The following PTPRD variants were observed in gnomAD, a reference collection of about 807,000 sequenced individuals.
PTPRD encodes the protein protein tyrosine phosphatase receptor type D, also known as receptor-type tyrosine-protein phosphatase delta.
A neutral mutation model predicts 214.5 loss-of-function variants in PTPRD; 34 were observed. The ratio of observed to expected loss-of-function variants is 0.16; its 90% CI spans 0.12 to 0.21. The LOEUF (loss-of-function observed/expected upper bound fraction) is 0.21, where lower values mean the gene tolerates loss of function less well. Ranked by LOEUF, PTPRD falls within the 10% of genes least tolerant of loss-of-function variation. The pLI is 1.00. For missense variants in PTPRD, 2,545 were observed against 2,398.7 expected, an observed-to-expected ratio of 1.06 and a Z score of -1.27; for synonymous variants, 1,128 against 845.7, an observed-to-expected ratio of 1.33 and a Z score of -5.79.
chr9:10,155,917 G>C (rs1044844818), intron 3 of PTPRD, among the ~76,000 whole-genome samples: 3 of 151,992 alleles, frequency 2.0e-5, no homozygotes, highest in Middle Eastern at 3.4e-3. Flanking sequence ...TTTTTGTGTT[G>C]TGTCTCTGGC....
intron 31 of PTPRD, among the ~76,000 whole-genome samples, chr9:8,470,609 T>C (rs1321852945): frequency 6.6e-6 from 1 of 152,120 alleles, no homozygotes; most frequent in East Asian, 1.9e-4. Context: ...TGCAACTTGG[T>C]GTTTGTGACA....
At chr9:8,377,671 G>C (rs757090394) in intron 37 of PTPRD, among the ~76,000 whole-genome samples, 77 of 151,920 alleles carry the variant, frequency 5.1e-4, no homozygotes, top group South Asian at 2.1e-4. Context: ...GGTAAAGAAA[G>C]CTCCTAGCAG....
intron 2 of PTPRD, among the ~76,000 whole-genome samples, chr9:10,585,893 A>G (rs1325669867): frequency 1.3e-5 from 2 of 152,126 alleles, no homozygotes; most frequent in Non-Finnish European, 1.5e-5. Context: ...CATGCATGGG[A>G]AAGTCATATG....
intron 5 of PTPRD, among the ~76,000 whole-genome samples, chr9:9,849,670 A>G (rs1300900477): frequency 6.6e-6 from 1 of 152,126 alleles, no homozygotes. Flanking sequence ...GCATTTTAAT[A>G]TCTTAGTTCA....
At chr9:9,054,887 A>G (rs1478205034) in intron 10 of PTPRD, among the ~76,000 whole-genome samples, 2 of 152,188 alleles carry the variant, frequency 1.3e-5, no homozygotes, top group Non-Finnish European at 2.9e-5. Context: ...ACAAAGAAGA[A>G]GACTGGCAAA....
intron 11 of PTPRD, among the ~76,000 whole-genome samples, chr9:8,889,239 G>A (rs559795898): frequency 8.5e-5 from 13 of 152,134 alleles, no homozygotes; most frequent in Non-Finnish European, 1.8e-4. Context: ...AATACAGAGA[G>A]ATGGTAGAAT....
intron 42 of PTPRD, 142 bp downstream of exon 42, chr9:8,340,201 C>G (rs1391263017): frequency 3.1e-6 from 3 of 970,280 alleles, no homozygotes; most frequent in Non-Finnish European, 4.2e-6. Flanking sequence ...TAGAAACTAA[C>G]AAGGAATGAT....
intron 8 of PTPRD, among the ~76,000 whole-genome samples, chr9:9,511,671 A>G (rs565758996): frequency 6.6e-6 from 1 of 151,828 alleles, no homozygotes; most frequent in African/African-American, 2.4e-5. Flanking sequence ...ATATGGAATT[A>G]TATTTTTATT....
intron 11 of PTPRD, among the ~76,000 whole-genome samples, chr9:8,872,148 G>A (rs1050278119): frequency 2.0e-5 from 3 of 152,156 alleles, no homozygotes; most frequent in Admixed American, 6.5e-5. Context: ...ATGTCTCAGC[G>A]TAGCCAAAAT....
intron 10 of PTPRD, among the ~76,000 whole-genome samples, chr9:9,085,039 G>A (rs746492993): frequency 1.1e-4 from 16 of 151,996 alleles, no homozygotes; most frequent in Non-Finnish European, 2.2e-4. Context: ...AGCACAAAAG[G>A]AGATATTGAT....
chr9:8,724,190 G>A (rs1184174721), intron 12 of PTPRD, among the ~76,000 whole-genome samples: 2 of 152,026 alleles, frequency 1.3e-5, no homozygotes, highest in Non-Finnish European at 2.9e-5. Flanking sequence ...AGATAAATTT[G>A]GGGGGAATTT....
intron 3 of PTPRD, among the ~76,000 whole-genome samples, chr9:10,165,555 G>A (rs1460066694): frequency 6.6e-6 from 1 of 151,720 alleles, no homozygotes; most frequent in Non-Finnish European, 1.5e-5. Flanking sequence ...AATACGGCTA[G>A]TAAAATGTTT....
At chr9:8,890,579 G>A (rs761603221) in intron 11 of PTPRD, among the ~76,000 whole-genome samples, 54 of 152,164 alleles carry the variant, frequency 3.5e-4, no homozygotes, top group Non-Finnish European at 7.6e-4. Flanking sequence ...ACCTTTGCAT[G>A]GAAAGATCTT....
intron 8 of PTPRD, among the ~76,000 whole-genome samples, chr9:9,476,479 G>A (rs1386980775): frequency 6.6e-6 from 1 of 152,138 alleles, no homozygotes; most frequent in African/African-American, 2.4e-5. Flanking sequence ...TCAAGGGTAG[G>A]AAATACTTAA....
chr9:8,667,885 A>G (rs188906036), intron 12 of PTPRD, among the ~76,000 whole-genome samples: 81 of 152,314 alleles, frequency 5.3e-4, no homozygotes, highest in African/African-American at 1.9e-3. Flanking sequence ...CAGTTTCAGT[A>G]AGAAAATTAA....
At chr9:8,892,107 G>A (rs2098544513) in intron 11 of PTPRD, among the ~76,000 whole-genome samples, 1 of 152,068 alleles carries the variant, frequency 6.6e-6, no homozygotes, top group Admixed American at 6.6e-5. Flanking sequence ...TCCACTCCGG[G>A]CTTCTTCTGA....
intron 2 of PTPRD, among the ~76,000 whole-genome samples, chr9:10,482,107 C>T (rs1319622685): frequency 2.0e-5 from 3 of 151,990 alleles, no homozygotes; most frequent in Non-Finnish European, 4.4e-5. Flanking sequence ...CGCGGTGGCT[C>T]ACGCCTGTAA....
Position 8,316,515 on chromosome 9 carries a change from A to C in PTPRD, c.*1359T>G, listed in dbSNP as rs1587170190. The stretch of plus-strand genomic sequence containing the variant: ...ACATACTATAGACAATATACGATTG[A>C]ATACACTTTTTTTAAACAACTCGAT... On this transcript the variant is annotated 3_prime_UTR_variant, in exon 46 of 46. Transcript: ENST00000381196. The C allele has an allele frequency of 4.3e-6, 1 of 230,708 alleles. No homozygotes were observed. The highest frequency in any genetic ancestry group is 8.6e-6 in the Non-Finnish European group (1 of 116,270). The allele number at this position is 230,708 out of a possible 1,614,324, so 14.3% of individuals were successfully genotyped here. A position where few individuals can be genotyped will look rare whatever the true frequency, so the allele number is the denominator to read the frequency against.
At chr9:9,802,384 T>C (rs1432201420) in intron 5 of PTPRD, among the ~76,000 whole-genome samples, 1 of 151,928 alleles carries the variant, frequency 6.6e-6, no homozygotes, top group Non-Finnish European at 1.5e-5. Context: ...GCTTGCTCCC[T>C]GCCTCCTTAG....
Sources: gnomAD v4.1 joint callset for allele counts (sites outside exome capture counted in the v4.1 genomes callset) on GRCh38, gnomAD v4.1.1 for gene constraint, MANE v1.5 for transcripts, NCBI Gene and HGNC (gene_info 2026-07-23, HGNC 2026-07-21) for gene names.